IGF2BP2: variants seen among roughly 807,000 people sequenced by gnomAD.
IGF2BP2 encodes the protein insulin-like growth factor 2 mRNA-binding protein 2.
A neutral mutation model predicts 75.8 loss-of-function variants in IGF2BP2; 17 were observed. That is an observed-to-expected ratio of 0.22 (90% CI 0.15 to 0.34). The LOEUF (loss-of-function observed/expected upper bound fraction) is 0.34, where lower values mean the gene tolerates loss of function less well. Among genes scored for constraint, IGF2BP2 ranks in the 10% least tolerant of loss-of-function variants. The probability of loss-of-function intolerance (pLI) is 1.00; values close to 1 mark genes in which losing one functional copy is unlikely to be tolerated. For synonymous variants in IGF2BP2, 288 were observed against 295.6 expected (o/e 0.97, Z 0.26); for missense variants, 516 against 772.4 (o/e 0.67, Z 3.93).
chr3:185,711,381 T>C (rs1724771222), intron 2 of IGF2BP2, among the ~76,000 whole-genome samples: 1 of 152,212 alleles, frequency 6.6e-6, no homozygotes, highest in Non-Finnish European at 1.5e-5. Flanking sequence ...ACCTGATGAA[T>C]GAATGAACAT....
intron 2 of IGF2BP2, among the ~76,000 whole-genome samples, chr3:185,800,054 T>C (rs1031321110): frequency 1.3e-5 from 2 of 152,060 alleles, no homozygotes; most frequent in Non-Finnish European, 2.9e-5. Flanking sequence ...ATAGACTGGA[T>C]TAAGAAAATG....
chr3:185,747,566 C>T (rs924977111), intron 2 of IGF2BP2, among the ~76,000 whole-genome samples: 2 of 152,082 alleles, frequency 1.3e-5, no homozygotes, highest in Non-Finnish European at 2.9e-5. Flanking sequence ...GTAATCCCAG[C>T]TACTTGAGAG....
At chr3:185,758,364 G>A (rs1302715023) in intron 2 of IGF2BP2, among the ~76,000 whole-genome samples, 1 of 152,232 alleles carries the variant, frequency 6.6e-6, no homozygotes, top group African/African-American at 2.4e-5. Context: ...TCGGAACTAA[G>A]AAAACCTGGG....
intron 10 of IGF2BP2, among the ~76,000 whole-genome samples, chr3:185,666,049 GA>G (rs1717567637): frequency 1.4e-5 from 2 of 145,448 alleles, no homozygotes; most frequent in Admixed American, 1.4e-4. Flanking sequence ...TAGATAGATA[GA>G]TAGATAGAGG....
chr3:185,736,854 T>G (rs1258957509), intron 2 of IGF2BP2, among the ~76,000 whole-genome samples: 1 of 152,214 alleles, frequency 6.6e-6, no homozygotes, highest in East Asian at 1.9e-4. Context: ...TACGCAAAAC[T>G]GTGCCATCAG....
At chr3:185,701,290 G>A (rs1723259837) in intron 2 of IGF2BP2, among the ~76,000 whole-genome samples, 1 of 138,544 alleles carries the variant, frequency 7.2e-6, no homozygotes, top group African/African-American at 2.7e-5. Flanking sequence ...TTTAAAAAAC[G>A]AACAATGAAA....
chr3:185,782,342 GTCCATTTGAC>G (rs1397780931), intron 2 of IGF2BP2, among the ~76,000 whole-genome samples: 1 of 152,034 alleles, frequency 6.6e-6, no homozygotes, highest in Non-Finnish European at 1.5e-5. Context: ...TCTAATATTG[GTCCATTTGAC>G]TCCAAAATCT....
intron 2 of IGF2BP2, among the ~76,000 whole-genome samples, chr3:185,808,578 GTC>G (rs368893726): frequency 3.1e-4 from 46 of 149,382 alleles, no homozygotes; most frequent in East Asian, 5.8e-4. Flanking sequence ...CTGAGACAGG[GTC>G]TCTCTCTCTC....
At chr3:185,736,255 GTC>G (rs2149539914) in intron 2 of IGF2BP2, among the ~76,000 whole-genome samples, 1 of 152,272 alleles carries the variant, frequency 6.6e-6, no homozygotes, top group Non-Finnish European at 1.5e-5. Flanking sequence ...CTTTCACAGG[GTC>G]TGAGTGCCTT....
At chr3:185,786,487 T>C (rs1479611843) in intron 2 of IGF2BP2, among the ~76,000 whole-genome samples, 1 of 152,138 alleles carries the variant, frequency 6.6e-6, no homozygotes, top group African/African-American at 2.4e-5. Flanking sequence ...CAATTAACCT[T>C]GTTAAATTCC....
At position 185,657,364 on chromosome 3, in the gene IGF2BP2, G is replaced by A; in HGVS notation, c.1308C>T (p.Thr436=). The A allele has an allele frequency of 1.2e-6, 2 of 1,613,950 alleles. No homozygotes were observed. Among genetic ancestry groups the A allele is most frequent in the African/African-American group, 1.3e-5 (1 of 75,050 alleles). Residue 436 remains threonine (T), a synonymous_variant, in exon 12 of 16, where the codon ACC becomes ACT. Transcript: ENST00000382199. The part of the protein sequence containing the change: ...EQEIVNLFIP[T]QAVGAIIGKK... ...TCCCGATGATGGCGCCCACAGCCTG[G>A]GTTGGGATGAAGAGATTCACAATCT...
intron 2 of IGF2BP2, 24 bp downstream of exon 2, chr3:185,823,129 A>C: frequency 6.4e-7 from 1 of 1,559,462 alleles, no homozygotes; most frequent in Non-Finnish European, 8.7e-7. Context: ...ATCGCAAAAA[A>C]AAAACTAAGC....
At chr3:185,772,272 C>G (rs571067670) in intron 2 of IGF2BP2, among the ~76,000 whole-genome samples, 1 of 152,236 alleles carries the variant, frequency 6.6e-6, no homozygotes, top group Admixed American at 6.5e-5. Flanking sequence ...TGTGAGCCTT[C>G]CTTAAAGAGT....
Position 185,773,761 on chromosome 3 carries a change from A to G in IGF2BP2, c.239+49392T>C, listed in dbSNP as rs112842120. Among the ~76,000 whole-genome samples, 22 of 152,126 alleles carry G rather than the reference A, an allele frequency of 1.4e-4. 1 individual carries two copies. The highest frequency in any genetic ancestry group is 2.5e-4 in the Non-Finnish European group (17 of 68,032). On this transcript the variant is annotated intron_variant, in intron 2 of 15. Transcript: ENST00000382199. ...TTTCTTTTTCTTGCTGAAATTTCTC[A>G]GTGTAACTTCTTAGGCTTAAATTCT... is the stretch of plus-strand genomic sequence containing the variant.
At chr3:185,766,770 C>G (rs1733136227) in intron 2 of IGF2BP2, among the ~76,000 whole-genome samples, 1 of 152,206 alleles carries the variant, frequency 6.6e-6, no homozygotes, top group Non-Finnish European at 1.5e-5. Context: ...TTCATTTTAT[C>G]TTCACTCCAA....
intron 7 of IGF2BP2, among the ~76,000 whole-genome samples, chr3:185,679,726 C>T (rs965832083): frequency 2.6e-5 from 4 of 152,160 alleles, no homozygotes; most frequent in Non-Finnish European, 5.9e-5. Flanking sequence ...AAGTGATTCT[C>T]CTGCCTCAGC....
rs748387759 is a variant in IGF2BP2, at chr3:185,657,430, A to G, written c.1270-28T>C. 7.7e-6 allele frequency: 12 copies of G among 1,549,450 alleles called. No individual in the cohort carries two copies. The East Asian group carries it at 1.1e-4, about 15-fold the overall frequency. On this transcript the variant is annotated intron_variant, in intron 11 of 15. Coordinates refer to ENST00000382199, the MANE Select transcript of IGF2BP2 (RefSeq NM_006548.6). Reference sequence around the variant, plus strand: ...GGGAGGGCGAGACAAGAAAGAAGACATCATTCCAACCAGGCTTTCTCCTCC... The same window carrying G: ...GGGAGGGCGAGACAAGAAAGAAGACGTCATTCCAACCAGGCTTTCTCCTCC...
At chr3:185,768,026 A>G (rs947845677) in intron 2 of IGF2BP2, 1 of 152,172 alleles carries the variant, frequency 6.6e-6, no homozygotes. Context: ...CAGCCCTTAT[A>G]TACACTTTTG....
chr3:185,675,944 C>T, intron 7 of IGF2BP2, 31 bp from the exon 8 acceptor site: 1 of 1,610,648 alleles, frequency 6.2e-7, no homozygotes. Flanking sequence ...GTTAACACTT[C>T]AGATACGTAT....
Sources: allele counts gnomAD v4.1 joint callset (sites outside exome capture counted in the v4.1 genomes callset), GRCh38; gene constraint gnomAD v4.1.1; transcripts MANE v1.5; gene names NCBI Gene and HGNC (gene_info 2026-07-23, HGNC 2026-07-21).